The following UTP6 variants were observed in gnomAD, a reference collection of about 807,000 sequenced individuals.
UTP6 encodes U3 small nucleolar RNA-associated protein 6 homolog.
In UTP6, 60 loss-of-function variants were observed where a neutral mutation model predicts 96.5. The ratio of observed to expected loss-of-function variants is 0.62; its 90% CI spans 0.51 to 0.77. The LOEUF (loss-of-function observed/expected upper bound fraction) is 0.77, where lower values mean the gene tolerates loss of function less well. UTP6 is among the 30% of genes least tolerant of loss of function. The pLI is 0.00. For missense variants in UTP6, 637 were observed against 706.5 expected (o/e 0.90, Z 1.12); for synonymous variants, 215 against 240.1 (o/e 0.90, Z 0.96).
intron 13 of UTP6, among the ~76,000 whole-genome samples, chr17:31,876,189 G>A (rs1452340859): frequency 1.3e-5 from 2 of 151,636 alleles, no homozygotes; most frequent in East Asian, 3.9e-4. Context: ...GGCGCCCATC[G>A]CCACGCCTGG....
Position 31,901,675 on chromosome 17 carries a change from C to G in UTP6, c.-48G>C, listed in dbSNP as rs1414884771. 22 of 1,585,344 alleles carry G rather than the reference C, an allele frequency of 1.4e-5. No individual in the cohort carries two copies. The South Asian group carries it at 2.4e-4, about 17-fold the overall frequency. ...GCGGGTAGCTTCTCAACAGCGAACACGAGCAGGAAGCTCCCGGTTTCAGGT... is the reference window on the plus strand; with the variant it reads ...GCGGGTAGCTTCTCAACAGCGAACAGGAGCAGGAAGCTCCCGGTTTCAGGT... On this transcript the variant is annotated 5_prime_UTR_variant, in exon 1 of 19. Coordinates refer to ENST00000261708, the MANE Select transcript of UTP6 (RefSeq NM_018428.3).
rs1422978347 is a variant in UTP6, at chr17:31,901,685, G to A, written c.-58C>T. 6.4e-6 allele frequency: 10 copies of A among 1,564,060 alleles called. No individual in the cohort carries two copies. In the Admixed American group the frequency reaches 1.0e-4, roughly 16 times the overall value. Reference sequence around the variant, plus strand: ...TCTCAACAGCGAACACGAGCAGGAAGCTCCCGGTTTCAGGTTCGGAGACCC... The same window carrying A: ...TCTCAACAGCGAACACGAGCAGGAAACTCCCGGTTTCAGGTTCGGAGACCC... On this transcript the variant is annotated 5_prime_UTR_variant, in exon 1 of 19. Coordinates refer to ENST00000261708, the MANE Select transcript of UTP6 (RefSeq NM_018428.3).
At chr17:31,866,155 C>T (rs550800158) in intron 17 of UTP6, among the ~76,000 whole-genome samples, 17 of 151,564 alleles carry the variant, frequency 1.1e-4, no homozygotes, top group South Asian at 2.1e-4. Context: ...GGCGTGGTGG[C>T]GGGTGCCTGT....
At chr17:31,884,047 G>A (rs1292502272) in intron 10 of UTP6, among the ~76,000 whole-genome samples, 1 of 146,042 alleles carries the variant, frequency 6.8e-6, no homozygotes, top group African/African-American at 2.6e-5. Flanking sequence ...CACCCAGGCT[G>A]GAGTGCAATT....
At chr17:31,896,100 T>TG (rs1330220245) in intron 2 of UTP6, among the ~76,000 whole-genome samples, 1 of 151,332 alleles carries the variant, frequency 6.6e-6, no homozygotes, top group Non-Finnish European at 1.5e-5. Context: ...TTTTTTGAGA[T>TG]GGAGTCTCGC....
rs72821922 is a variant in UTP6, at chr17:31,878,584, G to A, written c.1047+118C>T. The A allele has an allele frequency of 2.5e-3, 2,475 of 999,182 alleles. 8 individuals carry two copies. Among genetic ancestry groups the A allele is most frequent in the Non-Finnish European group, 3.1e-3 (2,009 of 658,514 alleles). 61.9% of individuals were successfully genotyped at this position (999,182 alleles called of 1,614,324 possible). Reference sequence around the variant, plus strand: ...GTCACGTCACCCACAAGGAGAGAGAGAGTGGCTAAACATAAAAGTTCTCAG... The same window carrying A: ...GTCACGTCACCCACAAGGAGAGAGAAAGTGGCTAAACATAAAAGTTCTCAG... On this transcript the variant is annotated intron_variant, in intron 12 of 18. Coordinates refer to ENST00000261708, the MANE Select transcript of UTP6 (RefSeq NM_018428.3).
rs139868836 is a variant in UTP6 at position 31,889,365 on chromosome 17, G to T, written c.463C>A (p.Arg155=). 1 of 1,613,724 alleles carries T rather than the reference G, an allele frequency of 6.2e-7. No homozygotes were observed. The highest frequency in any genetic ancestry group is 8.5e-7 in the Non-Finnish European group (1 of 1,179,894). The change falls in exon 7 of 19, where the codon CGA becomes AGA. Residue 155 remains arginine (R), a synonymous_variant. Coordinates refer to ENST00000261708, the MANE Select transcript of UTP6 (RefSeq NM_018428.3). ...IMAAKWEMED[R]LSSESARQLF... ...TGCCTTGCGCTTTCTGAAGACAATC[G>T]ATCTTCCATTTCCCATTTGGCTGCC...
chr17:31,863,598 T>C (rs1400542788), intron 18 of UTP6, 82 bp from the exon 19 acceptor site: 1 of 1,294,462 alleles, frequency 7.7e-7, no homozygotes, highest in African/African-American at 1.5e-5. Context: ...AACTCAAGAT[T>C]TCTAAGAAAC....
chr17:31,879,344 C>T (rs1910690610), intron 11 of UTP6, among the ~76,000 whole-genome samples: 2 of 152,034 alleles, frequency 1.3e-5, no homozygotes, highest in Non-Finnish European at 2.9e-5. Context: ...AACCCGAGAT[C>T]GTGTCACTGT....
rs146623373 is a variant in UTP6 at position 31,884,478 on chromosome 17, G to A, written c.731C>T (p.Ser244Leu). Reference protein sequence around the residue: ...KGAEFHVSLLSIAQLFDFAKD... With the variant: ...KGAEFHVSLLLIAQLFDFAKD... ...GGCAAAGTCAAATAGCTGTGCAATC[G>A]AAAGCAGTGACACGTGAAATTCTGC... The change falls in exon 10 of 19, where the codon TCG (serine) becomes TTG (leucine). Residue 244 changes from serine (S) to leucine (L), a missense_variant. Coordinates refer to ENST00000261708, the MANE Select transcript of UTP6 (RefSeq NM_018428.3). 5.8e-5 allele frequency: 93 copies of A among 1,611,328 alleles called. No homozygotes were observed. The highest frequency in any genetic ancestry group is 1.7e-4 in the Middle Eastern group (1 of 6,030).
At chr17:31,895,458 C>T (rs778705618) in intron 2 of UTP6, among the ~76,000 whole-genome samples, 54 of 152,282 alleles carry the variant, frequency 3.5e-4, no homozygotes, top group Admixed American at 3.3e-4. Flanking sequence ...TGACTTTGGA[C>T]TTTATTATAA....
chr17:31,866,064 G>A (rs1909792904), intron 17 of UTP6, among the ~76,000 whole-genome samples: 1 of 152,040 alleles, frequency 6.6e-6, no homozygotes, highest in South Asian at 2.1e-4. Flanking sequence ...GGGCACGGTG[G>A]CTCACACGGT....
chr17:31,871,245 G>A (rs141988380), intron 16 of UTP6, among the ~76,000 whole-genome samples: 5,076 of 150,782 alleles, frequency 0.034, 154 homozygotes, highest in Middle Eastern at 0.052. Context: ...GCCCGCCTCG[G>A]CCTCCTAAAG....
At chr17:31,897,555 TCTC>T (rs1399401042) in intron 2 of UTP6, among the ~76,000 whole-genome samples, 1 of 151,196 alleles carries the variant, frequency 6.6e-6, no homozygotes, top group Non-Finnish European at 1.5e-5. Flanking sequence ...TTCAAGCAAT[TCTC>T]CTGCCTCAGC....
intron 7 of UTP6, chr17:31,887,996 C>A (rs914416117): frequency 4.1e-5 from 6 of 145,202 alleles, no homozygotes; most frequent in African/African-American, 1.5e-4. Flanking sequence ...AATTAAATAG[C>A]AGTTTCTCTT....
intron 8 of UTP6, among the ~76,000 whole-genome samples, chr17:31,886,966 CCTAA>C (rs528302279): frequency 5.8e-4 from 89 of 152,162 alleles, no homozygotes; most frequent in African/African-American, 1.9e-3. Context: ...GCTTCATTTT[CCTAA>C]CTAAGTCCAT....
chr17:31,875,486 C>T (rs1910446199), intron 13 of UTP6, 73 bp from the exon 14 acceptor site: 22 of 1,515,774 alleles, frequency 1.5e-5, no homozygotes, highest in Non-Finnish European at 1.9e-5. Context: ...TAAACCTATG[C>T]CTCATTTGAG....
intron 2 of UTP6, among the ~76,000 whole-genome samples, chr17:31,897,715 C>A (rs1045443466): frequency 7.9e-5 from 12 of 152,060 alleles, no homozygotes; most frequent in African/African-American, 2.9e-4. Flanking sequence ...TCCCAAAGTG[C>A]TGGTATTACA....
chr17:31,896,644 AT>A (rs1555577190), intron 2 of UTP6, among the ~76,000 whole-genome samples: 94 of 145,648 alleles, frequency 6.5e-4, no homozygotes, highest in Middle Eastern at 3.5e-3. Flanking sequence ...ACAGAAAAAA[AT>A]TTTTTTTTTT....
Sources: gnomAD v4.1 joint callset for allele counts (sites outside exome capture counted in the v4.1 genomes callset) on GRCh38, gnomAD v4.1.1 for gene constraint, MANE v1.5 for transcripts, NCBI Gene and HGNC (gene_info 2026-07-23, HGNC 2026-07-21) for gene names.